Variants in VPS13D observed in about 807,000 individuals in gnomAD.
VPS13D encodes the protein vacuolar protein sorting 13 homolog D.
VPS13D carries 187 observed loss-of-function variants against 461.9 expected under a neutral mutation model. The observed-to-expected ratio is 0.40, with a 90% CI of 0.36 to 0.46. The LOEUF (loss-of-function observed/expected upper bound fraction) is 0.46, where lower values mean the gene tolerates loss of function less well. Among genes scored for constraint, VPS13D ranks in the 20% least tolerant of loss-of-function variants. The pLI, the probability that VPS13D is intolerant of heterozygous loss-of-function variation, is 0.60. For synonymous variants in VPS13D, 1,951 were observed against 1,986.3 expected (o/e 0.98, Z 0.47); for missense variants, 4,711 against 5,364.9 (o/e 0.88, Z 3.81).
chr1:12,443,238 A>G (rs1232859150), intron 65 of VPS13D, among the ~76,000 whole-genome samples: 1 of 152,210 alleles, frequency 6.6e-6, no homozygotes, highest in Non-Finnish European at 1.5e-5. Flanking sequence ...CATACTGAAT[A>G]TATTCTTTTG....
At chr1:12,412,389 AC>A in intron 63 of VPS13D, among the ~76,000 whole-genome samples, 1 of 152,216 alleles carries the variant, frequency 6.6e-6, no homozygotes, top group Non-Finnish European at 1.5e-5. Flanking sequence ...GGGAGAGCTT[AC>A]ACTATTCGAT....
At chr1:12,447,203 G>C (rs1645203947) in intron 65 of VPS13D, among the ~76,000 whole-genome samples, 1 of 152,180 alleles carries the variant, frequency 6.6e-6, no homozygotes, top group Admixed American at 6.5e-5. Context: ...TGATATCTCT[G>C]TATAATTTTC....
chr1:12,321,667 T>A, intron 32 of VPS13D, 142 bp from the exon 33 acceptor site: 1 of 898,172 alleles, frequency 1.1e-6, no homozygotes, highest in Non-Finnish European at 1.6e-6. Flanking sequence ...GGCTTCACTC[T>A]TCACAGTATT....
At chr1:12,381,980 T>TTCTG (rs1318974573) in intron 57 of VPS13D, among the ~76,000 whole-genome samples, 1 of 131,184 alleles carries the variant, frequency 7.6e-6, no homozygotes, top group African/African-American at 2.9e-5. Flanking sequence ...CTTTCTTTCT[T>TTCTG]TCTCTCTCTC....
chr1:12,352,278 G>A (rs1643813432), intron 46 of VPS13D, among the ~76,000 whole-genome samples: 1 of 151,970 alleles, frequency 6.6e-6, no homozygotes, highest in African/African-American at 2.4e-5. Context: ...GTGACAGAGC[G>A]AGACTCTGTC....
rs549127542 is a variant in VPS13D, at chr1:12,322,288, G to A, written c.7705-248G>A. 2.6e-5 allele frequency among the ~76,000 whole-genome samples: 4 copies of A among 152,170 alleles called. No individual in the cohort carries two copies. In the East Asian group the frequency reaches 5.8e-4, roughly 22 times the overall value. On this transcript the variant is annotated intron_variant, in intron 33 of 69. Transcript: ENST00000620676. Reference sequence around the variant, plus strand: ...TTACCGTGTTAGCCAGGATGGTCTCGATCTCCTCACCTCGTGATCCGCCCG... The same window carrying A: ...TTACCGTGTTAGCCAGGATGGTCTCAATCTCCTCACCTCGTGATCCGCCCG...
intron 65 of VPS13D, among the ~76,000 whole-genome samples, chr1:12,425,875 C>T (rs1414872899): frequency 2.0e-5 from 3 of 152,184 alleles, no homozygotes; most frequent in African/African-American, 7.2e-5. Flanking sequence ...TTCCTCCACA[C>T]AATGCAACTT....
At chr1:12,344,690 C>T (rs1643638741) in intron 42 of VPS13D, among the ~76,000 whole-genome samples, 1 of 152,124 alleles carries the variant, frequency 6.6e-6, no homozygotes. Context: ...GGCTTTTTCC[C>T]CTTTTGGCAC....
At chr1:12,355,292 T>C (rs1192758003) in intron 47 of VPS13D, among the ~76,000 whole-genome samples, 1 of 152,214 alleles carries the variant, frequency 6.6e-6, no homozygotes, top group Admixed American at 6.5e-5. Flanking sequence ...CAGGCCATAT[T>C]TAGTTTGCTT....
chr1:12,230,422 C>T (rs574550891), intron 1 of VPS13D, among the ~76,000 whole-genome samples: 5 of 152,244 alleles, frequency 3.3e-5, no homozygotes, highest in African/African-American at 1.2e-4. Flanking sequence ...GGAACCCCGA[C>T]GTCCGTGTCC....
intron 49 of VPS13D, 32 bp downstream of exon 49, chr1:12,356,556 A>G: frequency 6.2e-7 from 1 of 1,606,008 alleles, no homozygotes; most frequent in Non-Finnish European, 8.5e-7. Context: ...AAGGGGAAAT[A>G]AGCTCCCAGG....
intron 34 of VPS13D, among the ~76,000 whole-genome samples, chr1:12,323,374 C>T (rs796532825): frequency 1.5e-4 from 23 of 152,184 alleles, no homozygotes; most frequent in African/African-American, 4.6e-4. Flanking sequence ...CTACTGTGCC[C>T]ACCTCTAATT....
chr1:12,356,436 G>A lies in VPS13D; in HGVS notation c.9910G>A (p.Asp3304Asn). 1.2e-6 allele frequency: 2 copies of A among 1,614,090 alleles called. No individual in the cohort carries two copies. The highest frequency in any genetic ancestry group is 1.1e-5 in the South Asian group (1 of 91,060). ...CTTCAGACAGGACAATGCCAAGACA[G>A]ATGCTGCAGGCCAGTTTGAGGAGCA... is the stretch of plus-strand genomic sequence containing the variant. ...LIFRQDNAKT[D>N]AAGQFEEHEL... The change falls in exon 49 of 70, where the codon GAT becomes AAT. Residue 3304 changes from aspartate (D) to asparagine (N), a missense_variant. Asp to Asn is a conservative substitution (Grantham distance 23). This residue lies in a region of VPS13D where 4,411 missense variants were observed against 4,937.8 expected (regional missense o/e 0.89). Coordinates refer to ENST00000620676, the MANE Select transcript of VPS13D (RefSeq NM_015378.4).
chr1:12,400,623 TCAGGACCAGG>T (rs996678488), intron 61 of VPS13D, among the ~76,000 whole-genome samples: 2 of 152,010 alleles, frequency 1.3e-5, no homozygotes, highest in Non-Finnish European at 2.9e-5. Context: ...TCTAGATAGG[TCAGGACCAGG>T]CATGATCCAG....
intron 65 of VPS13D, among the ~76,000 whole-genome samples, chr1:12,451,268 G>A (rs1411048096): frequency 2.0e-5 from 3 of 152,156 alleles, no homozygotes; most frequent in East Asian, 1.9e-4. Context: ...TGGGAAGGAG[G>A]GTGTTGACAG....
chr1:12,366,706 C>G (rs891776942), intron 52 of VPS13D, among the ~76,000 whole-genome samples: 3 of 152,152 alleles, frequency 2.0e-5, no homozygotes, highest in African/African-American at 7.2e-5. Context: ...CTTTCCTCAC[C>G]TTTTCATTTG....
At chr1:12,385,805 T>C (rs1208940088) in intron 59 of VPS13D, among the ~76,000 whole-genome samples, 1 of 152,246 alleles carries the variant, frequency 6.6e-6, no homozygotes, top group African/African-American at 2.4e-5. Flanking sequence ...ATCAAATGCC[T>C]ATGTGTAAAA....
chr1:12,282,651 C>T (rs560824423), intron 20 of VPS13D, 54 bp from the exon 21 acceptor site: 1 of 1,502,308 alleles, frequency 6.7e-7, no homozygotes, highest in South Asian at 1.3e-5. Context: ...ATGGGCATTA[C>T]ATCTACGTGC....
Position 12,506,912 on chromosome 1 carries a change from A to G in VPS13D, c.12854A>G (p.Tyr4285Cys). Reference sequence around the variant, plus strand: ...GTGCTCATCTCCTCCAAAGCTGTTTACTTCCTGAAAAGTGGAGACTACGTG... The same window carrying G: ...GTGCTCATCTCCTCCAAAGCTGTTTGCTTCCTGAAAAGTGGAGACTACGTG... ...YCVLISSKAV[Y>C]FLKSGDYVDR... Residue 4285 changes from tyrosine to cysteine, a missense_variant, in exon 69 of 70, where the codon TAC becomes TGC. Physicochemically the swap from Tyr to Cys is radical, Grantham distance 194 (BLOSUM62 -2). This residue lies in a region of VPS13D where 194 missense variants were observed against 220.9 expected (regional missense o/e 0.88). Transcript: ENST00000620676. The G allele has an allele frequency of 6.2e-7, 1 of 1,614,242 alleles. No homozygotes were observed. Among genetic ancestry groups the G allele is most frequent in the Non-Finnish European group, 8.5e-7 (1 of 1,180,038 alleles).
Sources: allele counts gnomAD v4.1 joint callset (sites outside exome capture counted in the v4.1 genomes callset), GRCh38; gene constraint gnomAD v4.1.1; regional missense constraint gnomAD v4.1.1; transcripts MANE v1.5; gene names NCBI Gene and HGNC (gene_info 2026-07-23, HGNC 2026-07-21).